The following SENP1 variants were observed in gnomAD, a reference collection of about 807,000 sequenced individuals.
The protein encoded by SENP1 is sentrin-specific protease 1.
SENP1 carries 21 observed loss-of-function variants against 93.0 expected under a neutral mutation model. That is an observed-to-expected ratio of 0.23 (90% CI 0.16 to 0.33). SENP1 has a LOEUF of 0.33. Among genes scored for constraint, SENP1 ranks in the 10% least tolerant of loss-of-function variants. SENP1 has a pLI of 1.00. For synonymous variants in SENP1, 256 were observed against 259.6 expected (o/e 0.99, Z 0.13); for missense variants, 591 against 758.7 (o/e 0.78, Z 2.60).
At chr12:48,053,480 GAAAAAAAAA>G (rs56951392) in intron 13 of SENP1, among the ~76,000 whole-genome samples, 1 of 79,696 alleles carries the variant, frequency 1.3e-5, no homozygotes, top group African/African-American at 4.3e-5. Context: ...CCTGTCTCAG[GAAAAAAAAA>G]AAAAAAAAAA....
intron 8 of SENP1, among the ~76,000 whole-genome samples, 179 bp from the exon 9 acceptor site, chr12:48,071,900 G>C (rs1943732663): frequency 6.6e-6 from 1 of 152,160 alleles, no homozygotes; most frequent in South Asian, 2.1e-4. Flanking sequence ...ACAGAAATAG[G>C]TCTTAGTGAA....
chr12:48,087,050 AAAAC>A (rs1944921950), intron 5 of SENP1, among the ~76,000 whole-genome samples: 2 of 142,330 alleles, frequency 1.4e-5, no homozygotes, highest in Admixed American at 1.4e-4. Flanking sequence ...ACAAAACAAA[AAAAC>A]AAAACAAAAC....
chr12:48,080,400 A>C (rs576786981), intron 6 of SENP1: 3 of 152,476 alleles, frequency 2.0e-5, no homozygotes, highest in Admixed American at 2.0e-4. Flanking sequence ...GCATATTTCT[A>C]AATTCTTCTT....
chr12:48,072,303 G>A (rs1049850463), intron 8 of SENP1, among the ~76,000 whole-genome samples: 1 of 152,170 alleles, frequency 6.6e-6, no homozygotes. Context: ...CCAATTGACT[G>A]TCTCAGTATA....
chr12:48,059,650 A>ATAT (rs1456500723), intron 13 of SENP1, among the ~76,000 whole-genome samples: 2 of 152,008 alleles, frequency 1.3e-5, no homozygotes, highest in African/African-American at 4.8e-5. Context: ...TGGATGCTGG[A>ATAT]TATTGCAAAT....
chr12:48,054,544 CT>C (rs1942078298), intron 13 of SENP1, among the ~76,000 whole-genome samples: 1 of 152,138 alleles, frequency 6.6e-6, no homozygotes, highest in African/African-American at 2.4e-5. Context: ...AATCCCAGCA[CT>C]TTGGGAGGCC....
intron 9 of SENP1, among the ~76,000 whole-genome samples, chr12:48,067,462 T>C (rs529552464): frequency 7.9e-5 from 12 of 152,336 alleles, no homozygotes; most frequent in South Asian, 6.2e-4. Context: ...TCTAGGTCCA[T>C]GTGGCTCTGC....
intron 9 of SENP1, among the ~76,000 whole-genome samples, chr12:48,068,311 T>C (rs1489392145): frequency 6.6e-6 from 1 of 152,236 alleles, no homozygotes; most frequent in Non-Finnish European, 1.5e-5. Context: ...TCTCATATAA[T>C]TGAGGCATAT....
In SENP1 at chr12:48,048,973, T is replaced by C. The variant is rs1941579295; in HGVS notation, c.1567A>G (p.Ile523Val). The C allele has an allele frequency of 6.2e-7, 1 of 1,613,746 alleles. No individual in the cohort carries two copies. The highest frequency in any genetic ancestry group is 1.1e-5 in the South Asian group (1 of 91,082). The change falls in exon 14 of 18, where the codon ATT becomes GTT. Residue 523 changes from isoleucine to valine, a missense_variant. Ile to Val is a conservative substitution (Grantham distance 29). Coordinates refer to ENST00000549518, the MANE Select transcript of SENP1 (RefSeq NM_001267594.2). The part of the protein sequence containing the change: ...TKKVDVFSVD[I>V]LLVPIHLGVH... The stretch of plus-strand genomic sequence containing the variant: ...CCCAGGTGAATGGGCACCAAAAGAA[T>C]GTCAACAGAAAATACATCTACTTTC...
chr12:48,076,334 T>C (rs1456104285), intron 6 of SENP1, among the ~76,000 whole-genome samples: 2 of 151,938 alleles, frequency 1.3e-5, no homozygotes, highest in African/African-American at 2.4e-5. Context: ...TTTCACCATG[T>C]TAGCCAGGAT....
At chr12:48,105,803 G>A (rs922814199) in intron 1 of SENP1, 5 of 589,036 alleles carry the variant, frequency 8.5e-6, no homozygotes, top group Middle Eastern at 4.5e-4. Context: ...CAGAAGGAAC[G>A]GCCTCAGGTA....
intron 8 of SENP1, 25 bp from the exon 9 acceptor site, chr12:48,071,746 T>C: frequency 6.5e-7 from 1 of 1,528,324 alleles, no homozygotes; most frequent in Non-Finnish European, 9.0e-7. Context: ...GAGCATTTCA[T>C]TAGTAATAAA....
Position 48,049,171 on chromosome 12 carries a change from G to A in SENP1, c.1408-39C>T, listed in dbSNP as rs765647278. ...TTACACCTATTAGAATAGACACTCA[G>A]GCCTAGCCTTTCAAAATAGTTGCAG... On this transcript the variant is annotated intron_variant, in intron 13 of 17. Transcript: ENST00000549518. 4 of 1,497,820 alleles carry A rather than the reference G, an allele frequency of 2.7e-6. No homozygotes were observed. In the South Asian group the frequency reaches 3.5e-5, roughly 13 times the overall value. 92.8% of individuals were successfully genotyped at this position (1,497,820 alleles called of 1,614,324 possible). A position where few individuals can be genotyped will look rare whatever the true frequency, so the allele number is the denominator to read the frequency against.
chr12:48,060,878 T>C (rs1010362122), intron 13 of SENP1, among the ~76,000 whole-genome samples: 4 of 152,218 alleles, frequency 2.6e-5, no homozygotes, highest in African/African-American at 9.6e-5. Context: ...TTGCCTCCTT[T>C]TGTATTCTTT....
chr12:48,086,162 A>G (rs919367635), intron 5 of SENP1, among the ~76,000 whole-genome samples: 34 of 152,240 alleles, frequency 2.2e-4, no homozygotes, highest in African/African-American at 6.8e-4. Flanking sequence ...CATTTGAAAC[A>G]TATGAAGTGT....
intron 15 of SENP1, among the ~76,000 whole-genome samples, chr12:48,047,371 T>TTTATA (rs1163886248): frequency 6.6e-6 from 1 of 152,202 alleles, no homozygotes; most frequent in African/African-American, 2.4e-5. Context: ...ATTCTTTTCC[T>TTTATA]TGGTTTATAT....
intron 6 of SENP1, among the ~76,000 whole-genome samples, chr12:48,076,424 A>T (rs1944086801): frequency 6.6e-6 from 1 of 151,722 alleles, no homozygotes; most frequent in South Asian, 2.1e-4. Context: ...TCCTAGGTTC[A>T]AGTGATTCTC....
chr12:48,101,223 T>G (rs1176598666), intron 2 of SENP1, among the ~76,000 whole-genome samples: 2 of 152,152 alleles, frequency 1.3e-5, no homozygotes, highest in African/African-American at 4.8e-5. Flanking sequence ...GAGACAGAGG[T>G]TGCAGTGAGC....
At chr12:48,048,558 T>A (rs1056962463) in intron 14 of SENP1, among the ~76,000 whole-genome samples, 1 of 152,104 alleles carries the variant, frequency 6.6e-6, no homozygotes, top group Non-Finnish European at 1.5e-5. Context: ...GCTCACAGAG[T>A]CATAAAAATA....
Sources: gnomAD v4.1 joint callset for allele counts (sites outside exome capture counted in the v4.1 genomes callset) on GRCh38, gnomAD v4.1.1 for gene constraint, MANE v1.5 for transcripts, NCBI Gene and HGNC (gene_info 2026-07-23, HGNC 2026-07-21) for gene names.